Variants in ZBTB40 observed in about 807,000 individuals in gnomAD.
The protein encoded by ZBTB40 is zinc finger and BTB domain containing 40, also known as zinc finger and BTB domain-containing protein 40.
Under a neutral mutation model 117.5 loss-of-function variants are expected in ZBTB40, and 60 were observed. The ratio of observed to expected loss-of-function variants is 0.51; its 90% CI spans 0.41 to 0.63. ZBTB40 has a LOEUF of 0.63. ZBTB40 is among the 30% of genes least tolerant of loss of function. ZBTB40 has a pLI of 0.00. For missense variants in ZBTB40, 1,287 were observed against 1,498.5 expected, an observed-to-expected ratio of 0.86 and a Z score of 2.33; for synonymous variants, 525 against 577.1, an observed-to-expected ratio of 0.91 and a Z score of 1.29.
At chr1:22,446,250 C>CTG (rs34292769) in intron 1 of ZBTB40, among the ~76,000 whole-genome samples, 149,378 of 149,890 alleles carry the variant, frequency 1, 74,438 homozygotes, top group Middle Eastern at 1. Flanking sequence ...GAAAAAAAGA[C>CTG]AGAAAAACAA....
At chr1:22,434,743 C>G (rs1482036521) in intron 1 of ZBTB40, among the ~76,000 whole-genome samples, 1 of 152,042 alleles carries the variant, frequency 6.6e-6, no homozygotes, top group Non-Finnish European at 1.5e-5. Flanking sequence ...TCTGGACTTT[C>G]TTTTTGTTCT....
At chr1:22,475,546 A>G (rs751467965) in intron 1 of ZBTB40, among the ~76,000 whole-genome samples, 10 of 152,164 alleles carry the variant, frequency 6.6e-5, no homozygotes, top group Non-Finnish European at 1.0e-4. Context: ...TTTGTCTGCA[A>G]TTCTTTTTCT....
intron 3 of ZBTB40, among the ~76,000 whole-genome samples, chr1:22,501,187 T>C (rs1404598937): frequency 6.6e-6 from 1 of 151,888 alleles, no homozygotes; most frequent in Non-Finnish European, 1.5e-5. Flanking sequence ...GTGTGACAAA[T>C]GTCAAATTAA....
upstream of ZBTB40, among the ~76,000 whole-genome samples, chr1:22,450,899 G>A (rs1640854841): frequency 6.6e-6 from 1 of 152,196 alleles, no homozygotes; most frequent in African/African-American, 2.4e-5. Flanking sequence ...ATTTGGGCAC[G>A]TAACTGTCAG....
At chr1:22,468,465 C>CTTTTTTTTTTTT (rs555995462) in intron 1 of ZBTB40, among the ~76,000 whole-genome samples, 2 of 51,708 alleles carry the variant, frequency 3.9e-5, no homozygotes, top group African/African-American at 2.4e-4. Flanking sequence ...TTAATGTTTC[C>CTTTTTTTTTTTT]TTTTTTTTTT....
In ZBTB40 at chr1:22,508,516, G is replaced by C; in HGVS notation, c.1498-14G>C. The C allele has an allele frequency of 6.2e-7, 1 of 1,614,186 alleles. No individual in the cohort carries two copies. The highest frequency in any genetic ancestry group is 8.5e-7 in the Non-Finnish European group (1 of 1,180,012). On this transcript the variant is annotated splice_polypyrimidine_tract_variant and intron_variant, in intron 7 of 17. Transcript: ENST00000375647. ...GAGAGTCTCTTACGTGAGTGTTTGT[G>C]TTACATCTTGAAGGTCATGGAGAAG...
chr1:22,497,234 A>G (rs967519359), intron 3 of ZBTB40, among the ~76,000 whole-genome samples: 8 of 152,174 alleles, frequency 5.3e-5, no homozygotes, highest in African/African-American at 1.7e-4. Flanking sequence ...TCACCTAAAA[A>G]TCTAGAAGAC....
In ZBTB40 at chr1:22,468,608, T is replaced by C. The variant is rs1177094792; in HGVS notation, c.-70+16604T>C. On this transcript the variant is annotated intron_variant, in intron 1 of 17. Transcript: ENST00000375647. ...CTCCTCCCTCAGCCTTCCAACTAGC[T>C]GGGAGTATAGGCATGTGCCACCATG... Among the ~76,000 whole-genome samples the C allele has an allele frequency of 2.8e-5, 4 of 140,920 alleles. No individual in the cohort carries two copies. In the Admixed American group the frequency reaches 2.9e-4, roughly 10 times the overall value. 92.4% of individuals were successfully genotyped at this position (140,920 alleles called of 152,430 possible).
At chr1:22,514,934 G>A (rs1311667943) in intron 12 of ZBTB40, among the ~76,000 whole-genome samples, 2 of 152,156 alleles carry the variant, frequency 1.3e-5, no homozygotes, top group East Asian at 3.8e-4. Context: ...ACGCACCCCT[G>A]TCATGGGACT....
intron 10 of ZBTB40, 41 bp from the exon 11 acceptor site, chr1:22,511,635 A>G (rs1389430276): frequency 1.2e-6 from 2 of 1,600,186 alleles, no homozygotes; most frequent in Admixed American, 3.5e-5. Flanking sequence ...CAAAATAGAA[A>G]CAGAGAGTTC....
At chr1:22,472,145 G>A (rs764373696) in intron 1 of ZBTB40, among the ~76,000 whole-genome samples, 5 of 152,064 alleles carry the variant, frequency 3.3e-5, no homozygotes, top group Admixed American at 1.3e-4. Flanking sequence ...TGAGGCCCTC[G>A]AGATTGTACT....
At chr1:22,510,115 G>A (rs962806001) in intron 9 of ZBTB40, among the ~76,000 whole-genome samples, 39 of 152,332 alleles carry the variant, frequency 2.6e-4, no homozygotes, top group African/African-American at 8.9e-4. Flanking sequence ...AGTGGGGACT[G>A]GGGGAACTCA....
Position 22,517,283 on chromosome 1 carries a change from C to T in ZBTB40, c.2669-17C>T, listed in dbSNP as rs764340159. ...AATTTTTAGTGCTGACTCTAATAAGCTCCTGTGTATTTGCAGGGAAAATGT... is the reference window on the plus strand; with the variant it reads ...AATTTTTAGTGCTGACTCTAATAAGTTCCTGTGTATTTGCAGGGAAAATGT... On this transcript the variant is annotated splice_polypyrimidine_tract_variant and intron_variant, in intron 12 of 17. Transcript: ENST00000375647. The T allele has an allele frequency of 3.7e-6, 6 of 1,613,730 alleles. No homozygotes were observed. The Admixed American group carries it at 1.0e-4, about 27-fold the overall frequency.
intron 1 of ZBTB40, among the ~76,000 whole-genome samples, chr1:22,441,888 T>C (rs1482912122): frequency 6.6e-6 from 1 of 152,220 alleles, no homozygotes; most frequent in Non-Finnish European, 1.5e-5. Flanking sequence ...TCTTGTTTTT[T>C]AATGTAAGCA....
Position 22,501,490 on chromosome 1 carries a change from A to T in ZBTB40, c.832-2A>T. On this transcript the variant is annotated splice_acceptor_variant, in intron 3 of 17. Transcript: ENST00000375647. LOFTEE classifies it high-confidence loss of function. ...ATCTTTCTGGGTACTTTTGTTCCAT[A>T]GATGATAGTGAAATGTTTCGAGGGT... 1 of 1,614,114 alleles carries T rather than the reference A, an allele frequency of 6.2e-7. No individual in the cohort carries two copies. Among genetic ancestry groups the T allele is most frequent in the Non-Finnish European group, 8.5e-7 (1 of 1,179,960 alleles).
At chr1:22,444,256 A>G (rs1278561807) in intron 1 of ZBTB40, among the ~76,000 whole-genome samples, 2 of 151,878 alleles carry the variant, frequency 1.3e-5, no homozygotes, top group African/African-American at 4.8e-5. Context: ...TACTAAAAAT[A>G]TATATATATA....
intron 1 of ZBTB40, among the ~76,000 whole-genome samples, chr1:22,465,872 G>A (rs747352924): frequency 1.4e-4 from 21 of 152,296 alleles, no homozygotes; most frequent in Admixed American, 7.2e-4. Flanking sequence ...TGCCTGCTCC[G>A]TGGAACATGT....
chr1:22,475,599 C>A (rs1444239359), intron 1 of ZBTB40, among the ~76,000 whole-genome samples: 1 of 152,160 alleles, frequency 6.6e-6, no homozygotes. Context: ...ATTACCAGCC[C>A]TAGTCCTTCC....
In ZBTB40 at chr1:22,511,877, G is replaced by T; in HGVS notation, c.2204G>T (p.Ser735Ile). 6.2e-7 allele frequency: 1 copy of T among 1,614,236 alleles called. No individual in the cohort carries two copies. The highest frequency in any genetic ancestry group is 1.1e-5 in the South Asian group (1 of 91,086). Residue 735 changes from serine to isoleucine, a missense_variant, in exon 11 of 18, where the codon AGC becomes ATC. Around this residue, in one of 2 missense-constraint regions of ZBTB40, gnomAD observed 870 missense variants for 934.4 expected, o/e 0.93. Transcript: ENST00000375647. Reference protein sequence around the residue: ...ASASPDPAKKSFICKACDKSF... With the variant: ...ASASPDPAKKIFICKACDKSF... ...GCCTCCCCAGACCCTGCCAAGAAGA[G>T]CTTCATCTGTAAGGCCTGCGACAAA...
Sources: allele counts gnomAD v4.1 joint callset (sites outside exome capture counted in the v4.1 genomes callset), GRCh38; gene constraint gnomAD v4.1.1; regional missense constraint gnomAD v4.1.1; transcripts MANE v1.5; gene names NCBI Gene and HGNC (gene_info 2026-07-23, HGNC 2026-07-21).